CFAP144: variants seen among roughly 807,000 people sequenced by gnomAD.
CFAP144 encodes cilia and flagella associated protein 144.
the CFAP144 span, chr1:43,147,818 C>A: frequency 6.6e-7 from 1 of 1,511,212 alleles, no homozygotes; most frequent in Non-Finnish European, 8.8e-7. Context: ...GAGTGAGACC[C>A]GCCCCGACCG....
At chr1:43,147,065 G>C in the CFAP144 span, among the ~76,000 whole-genome samples, 2 of 152,068 alleles carry the variant, frequency 1.3e-5, no homozygotes, top group Admixed American at 1.3e-4. Flanking sequence ...AGCTGGTCTC[G>C]AACTCCTGAC....
the CFAP144 span, among the ~76,000 whole-genome samples, chr1:43,146,869 G>A: frequency 1.3e-5 from 2 of 152,092 alleles, no homozygotes; most frequent in Non-Finnish European, 2.9e-5. Context: ...TTTTTTAGAA[G>A]GAGTCTCGCT....
the CFAP144 span, chr1:43,152,958 T>TA: frequency 6.3e-7 from 1 of 1,596,186 alleles, no homozygotes; most frequent in East Asian, 2.3e-5. Context: ...CCTCAGGAAA[T>TA]ACGAGGAAAC....
chr1:43,146,410 A>T, the CFAP144 span, among the ~76,000 whole-genome samples: 1 of 152,202 alleles, frequency 6.6e-6, no homozygotes, highest in African/African-American at 2.4e-5. Flanking sequence ...ATTGAACAGC[A>T]CTGCTCTAAA....
the CFAP144 span, chr1:43,152,651 C>T: frequency 1.7e-6 from 1 of 597,304 alleles, no homozygotes; most frequent in Admixed American, 3.1e-5. Flanking sequence ...TTTGAGCTCA[C>T]CACATATTTG....
At chr1:43,146,384 C>T in the CFAP144 span, among the ~76,000 whole-genome samples, 1 of 152,264 alleles carries the variant, frequency 6.6e-6, no homozygotes, top group South Asian at 2.1e-4. Context: ...ACATGAGTGG[C>T]TCAGCTCATA....
chr1:43,153,040 C>A, the CFAP144 span: 1 of 1,376,326 alleles, frequency 7.3e-7, no homozygotes, highest in African/African-American at 1.4e-5. Context: ...AACCTGGCTA[C>A]CTCTTACCAG....
the CFAP144 span, chr1:43,147,975 G>A: frequency 1.9e-6 from 3 of 1,613,970 alleles, no homozygotes; most frequent in Admixed American, 3.3e-5. Context: ...CAAAAGAGAA[G>A]GTGATTCCAG....
the CFAP144 span, chr1:43,145,329 T>C: frequency 3.3e-6 from 5 of 1,503,428 alleles, no homozygotes; most frequent in Non-Finnish European, 4.5e-6. Flanking sequence ...TGCATTCAAG[T>C]GAGTGCAACC....
the CFAP144 span, chr1:43,147,681 C>G: frequency 1.3e-6 from 1 of 779,000 alleles, no homozygotes; most frequent in Non-Finnish European, 1.6e-6. Flanking sequence ...AGGGGACCTT[C>G]TAGTAACCAG....
the CFAP144 span, among the ~76,000 whole-genome samples, chr1:43,151,090 T>C: frequency 6.6e-6 from 1 of 152,248 alleles, no homozygotes; most frequent in South Asian, 2.1e-4. Flanking sequence ...AACGTTCCTA[T>C]TGACTTAACA....
the CFAP144 span, among the ~76,000 whole-genome samples, chr1:43,145,953 C>T: frequency 1.3e-5 from 2 of 152,130 alleles, no homozygotes; most frequent in Non-Finnish European, 2.9e-5. Flanking sequence ...TTTTTATGGA[C>T]ACAGTAGCAT....
the CFAP144 span, among the ~76,000 whole-genome samples, chr1:43,146,991 A>G: frequency 6.6e-6 from 1 of 152,104 alleles, no homozygotes. Context: ...GATTACAGGC[A>G]TATGCCATCA....
the CFAP144 span, chr1:43,156,283 G>A: frequency 2.6e-5 from 42 of 1,613,900 alleles, no homozygotes; most frequent in African/African-American, 2.0e-4. Flanking sequence ...AGGCTAAAAC[G>A]TGGGGCTTAG....
chr1:43,148,950 G>A, the CFAP144 span, among the ~76,000 whole-genome samples: 10 of 152,220 alleles, frequency 6.6e-5, no homozygotes, highest in African/African-American at 2.4e-4. Flanking sequence ...CCTCTGCTCA[G>A]GTACTTTCAT....
chr1:43,152,718 A>G, the CFAP144 span: 1 of 1,231,334 alleles, frequency 8.1e-7, no homozygotes, highest in South Asian at 1.9e-5. Context: ...GCAAACCTCC[A>G]AGGCACAGAT....
the CFAP144 span, chr1:43,152,811 C>T: frequency 1.3e-6 from 2 of 1,598,562 alleles, no homozygotes; most frequent in Non-Finnish European, 1.7e-6. Flanking sequence ...CTTCATAACT[C>T]ATACCTCGTC....
At chr1:43,143,546 G>A in the CFAP144 span, among the ~76,000 whole-genome samples, 4,917 of 152,222 alleles carry the variant, frequency 0.032, 185 homozygotes, top group African/African-American at 0.097. Flanking sequence ...GTCAGCAGAG[G>A]GGGTTGCTTC....
At chr1:43,150,293 T>C in the CFAP144 span, among the ~76,000 whole-genome samples, 2 of 152,226 alleles carry the variant, frequency 1.3e-5, no homozygotes, top group Non-Finnish European at 2.9e-5. Flanking sequence ...ATGTGGGTGC[T>C]GCTCCTCTGT....
Sources: allele counts gnomAD v4.1 joint callset (sites outside exome capture counted in the v4.1 genomes callset), GRCh38; gene constraint gnomAD v4.1.1; transcripts MANE v1.5; gene names NCBI Gene and HGNC (gene_info 2026-07-23, HGNC 2026-07-21).